SVEP1: variants seen among roughly 807,000 people sequenced by gnomAD.
SVEP1 encodes sushi, von Willebrand factor type A, EGF and pentraxin domain-containing protein 1.
SVEP1 carries 164 observed loss-of-function variants against 367.3 expected under a neutral mutation model. The observed-to-expected ratio is 0.45, with a 90% CI of 0.39 to 0.51. SVEP1 has a LOEUF of 0.51. Among genes scored for constraint, SVEP1 ranks in the 20% least tolerant of loss-of-function variants. The probability of loss-of-function intolerance (pLI) is 0.00; values close to 1 mark genes in which losing one functional copy is unlikely to be tolerated. For missense variants in SVEP1, 4,117 were observed against 4,425.3 expected (o/e 0.93, Z 1.98); for synonymous variants, 1,666 against 1,611.6 (o/e 1.03, Z -0.81).
chr9:110,430,474 A>C, intron 32 of SVEP1, 24 bp from the exon 33 acceptor site: 1 of 1,588,828 alleles, frequency 6.3e-7, no homozygotes, highest in Non-Finnish European at 8.6e-7. Flanking sequence ...GTTTTGGTGG[A>C]ATAATAAGTG....
intron 43 of SVEP1, among the ~76,000 whole-genome samples, chr9:110,381,360 CTT>C (rs2118954016): frequency 6.6e-6 from 1 of 152,298 alleles, no homozygotes; most frequent in African/African-American, 2.4e-5. Context: ...AAATTTCCCT[CTT>C]AACACTGCTT....
intron 46 of SVEP1, among the ~76,000 whole-genome samples, chr9:110,371,716 C>G (rs541903392): frequency 6.6e-6 from 1 of 152,164 alleles, no homozygotes; most frequent in Non-Finnish European, 1.5e-5. Flanking sequence ...TTTTAGTCTT[C>G]CAAGTAGTAT....
chr9:110,457,469 G>A (rs1459418810), intron 20 of SVEP1, 117 bp from the exon 21 acceptor site: 3 of 765,468 alleles, frequency 3.9e-6, no homozygotes, highest in Non-Finnish European at 6.5e-6. Flanking sequence ...TTCCAGGTAA[G>A]TTCACTCAAG....
intron 36 of SVEP1, among the ~76,000 whole-genome samples, chr9:110,425,820 T>C (rs1828245246): frequency 6.6e-6 from 1 of 152,278 alleles, no homozygotes; most frequent in Non-Finnish European, 1.5e-5. Flanking sequence ...CAAATATACA[T>C]GCAAAGACAA....
Position 110,450,066 on chromosome 9 carries a change from T to C in SVEP1, c.4096A>G (p.Ser1366Gly), listed in dbSNP as rs753263716. 1 of 1,613,874 alleles carries C rather than the reference T, an allele frequency of 6.2e-7. No individual in the cohort carries two copies. Among genetic ancestry groups the C allele is most frequent in the Non-Finnish European group, 8.5e-7 (1 of 1,179,788 alleles). Residue 1366 changes from serine (S) to glycine (G), a missense_variant, in exon 24 of 48, where the codon AGC becomes GGC. Around this residue, in one of 4 missense-constraint regions of SVEP1, gnomAD observed 2,174 missense variants for 2,494.3 expected, o/e 0.87. Transcript: ENST00000374469. ...NGATCKDGANSFRCLCAAGFT... is the reference protein window; with the variant it reads ...NGATCKDGANGFRCLCAAGFT... ...TCAGACTTAGCCTTTTACCTGAAGC[T>C]ATTGGCACCGTCTTTACAGGTAGCT...
intron 4 of SVEP1, 29 bp from the exon 5 acceptor site, chr9:110,513,134 G>A (rs983959307): frequency 9.5e-6 from 15 of 1,578,874 alleles, no homozygotes; most frequent in Non-Finnish European, 1.2e-5. Context: ...AAATTGAAAA[G>A]CAAAGTTAGC....
At position 110,390,053 on chromosome 9, in the gene SVEP1, G is replaced by GTATA. The variant is rs200582278; in HGVS notation, c.9823-470_9823-467dup. 1.4e-4 allele frequency among the ~76,000 whole-genome samples: 17 copies of GTATA among 120,544 alleles called. No individual in the cohort carries two copies. The East Asian group carries it at 6.3e-3, about 45-fold the overall frequency. 79.1% of individuals were successfully genotyped at this position (120,544 alleles called of 152,430 possible). A position where few individuals can be genotyped will look rare whatever the true frequency, so the allele number is the denominator to read the frequency against. ...TATATATATATAAGTATATATACAC[G>GTATA]TATATATATAAGTATATATATATAC... On this transcript the variant is annotated intron_variant, in intron 40 of 47. Transcript: ENST00000374469.
intron 18 of SVEP1, among the ~76,000 whole-genome samples, chr9:110,465,365 G>A (rs1375576887): frequency 6.6e-6 from 1 of 151,878 alleles, no homozygotes; most frequent in Non-Finnish European, 1.5e-5. Flanking sequence ...CTGGGAGAGA[G>A]GATCAGGTTT....
At chr9:110,491,384 A>C (rs1435975573) in intron 8 of SVEP1, among the ~76,000 whole-genome samples, 1 of 151,910 alleles carries the variant, frequency 6.6e-6, no homozygotes, top group East Asian at 1.9e-4. Context: ...TTTGTTTTTT[A>C]ATCTACAAAT....
Position 110,445,750 on chromosome 9 carries a change from A to G in SVEP1, c.4463+87T>C, listed in dbSNP as rs1222308165. ...GTTTTCTGGGAACACCTGACCCTCT[A>G]CTTTCCCATTTCCCATCCTCAATGT... On this transcript the variant is annotated intron_variant, in intron 26 of 47. Coordinates refer to ENST00000374469, the MANE Select transcript of SVEP1 (RefSeq NM_153366.4). 7.6e-6 allele frequency: 11 copies of G among 1,453,352 alleles called. No individual in the cohort carries two copies. In the African/African-American group the frequency reaches 9.8e-5, roughly 13 times the overall value. 90.0% of individuals were successfully genotyped at this position (1,453,352 alleles called of 1,614,324 possible). A position where few individuals can be genotyped will look rare whatever the true frequency, so the allele number is the denominator to read the frequency against.
chr9:110,370,926 T>C (rs1408170933), intron 46 of SVEP1, among the ~76,000 whole-genome samples: 1 of 152,178 alleles, frequency 6.6e-6, no homozygotes, highest in Non-Finnish European at 1.5e-5. Flanking sequence ...CCATTGTACG[T>C]ATATAATATA....
intron 16 of SVEP1, among the ~76,000 whole-genome samples, chr9:110,469,332 A>T (rs975171826): frequency 6.6e-6 from 1 of 152,232 alleles, no homozygotes; most frequent in African/African-American, 2.4e-5. Flanking sequence ...ATTCTTATTG[A>T]CCAAGCTTAA....
chr9:110,546,329 T>A (rs757597166), intron 2 of SVEP1, 38 bp from the exon 3 acceptor site: 26 of 1,538,562 alleles, frequency 1.7e-5, no homozygotes, highest in Non-Finnish European at 2.1e-5. Context: ...TAAAAATGAG[T>A]CACAGTTCAA....
At chr9:110,511,804 G>A (rs564919331) in intron 5 of SVEP1, among the ~76,000 whole-genome samples, 4 of 152,226 alleles carry the variant, frequency 2.6e-5, no homozygotes, top group African/African-American at 7.2e-5. Context: ...TTGGAGTCAT[G>A]AGTAGGTGGT....
chr9:110,563,809 A>G (rs1274488142), intron 1 of SVEP1, among the ~76,000 whole-genome samples: 1 of 152,088 alleles, frequency 6.6e-6, no homozygotes, highest in South Asian at 2.1e-4. Flanking sequence ...TTCTCTTTGT[A>G]TATCTTCTTC....
intron 37 of SVEP1, 97 bp downstream of exon 37, chr9:110,410,966 A>T (rs1828034967): frequency 9.1e-7 from 1 of 1,096,618 alleles, no homozygotes; most frequent in Non-Finnish European, 1.3e-6. Context: ...GCCTTAGTGA[A>T]CTTGGCAGTG....
chr9:110,387,843 T>C (rs934857148), intron 41 of SVEP1, among the ~76,000 whole-genome samples: 1 of 152,206 alleles, frequency 6.6e-6, no homozygotes, highest in Admixed American at 6.5e-5. Context: ...CCAAATAAAA[T>C]AGAGGATGCC....
At chr9:110,395,621 A>G (rs1249879424) in intron 40 of SVEP1, among the ~76,000 whole-genome samples, 1 of 152,150 alleles carries the variant, frequency 6.6e-6, no homozygotes, top group African/African-American at 2.4e-5. Flanking sequence ...TCACGTGCAG[A>G]GACACACATA....
intron 27 of SVEP1, among the ~76,000 whole-genome samples, chr9:110,440,986 T>A (rs1828502953): frequency 6.6e-6 from 1 of 152,212 alleles, no homozygotes; most frequent in African/African-American, 2.4e-5. Context: ...TCGTCCGGAA[T>A]TCTCTGTTTC....
Sources: allele counts gnomAD v4.1 joint callset (sites outside exome capture counted in the v4.1 genomes callset), GRCh38; gene constraint gnomAD v4.1.1; regional missense constraint gnomAD v4.1.1; transcripts MANE v1.5; gene names NCBI Gene and HGNC (gene_info 2026-07-23, HGNC 2026-07-21).